Variants in RPRD2 observed in about 807,000 individuals in gnomAD.
RPRD2 encodes the protein regulation of nuclear pre-mRNA domain-containing protein 2.
In RPRD2, 12 loss-of-function variants were observed where a neutral mutation model predicts 104.4. The observed-to-expected ratio is 0.11, with a 90% CI of 0.07 to 0.19. RPRD2 has a LOEUF of 0.19. Among genes scored for constraint, RPRD2 ranks in the 10% least tolerant of loss-of-function variants. The pLI, the probability that RPRD2 is intolerant of heterozygous loss-of-function variation, is 1.00. For missense variants in RPRD2, 1,543 were observed against 1,790.1 expected, an observed-to-expected ratio of 0.86 and a Z score of 2.49; for synonymous variants, 714 against 684.9, an observed-to-expected ratio of 1.04 and a Z score of -0.66.
chr1:150,431,485 T>TTTGTTTGTTTGTTTTTTTG (rs1665579851), intron 2 of RPRD2, among the ~76,000 whole-genome samples: 1 of 142,034 alleles, frequency 7.0e-6, no homozygotes, highest in African/African-American at 2.6e-5. Flanking sequence ...TTTTTTTTTT[T>TTTGTTTGTTTGTTTTTTTG]TTTTTTTTTT....
intron 2 of RPRD2, among the ~76,000 whole-genome samples, chr1:150,420,420 C>T (rs1484937656): frequency 3.3e-5 from 5 of 152,146 alleles, no homozygotes; most frequent in Admixed American, 6.6e-5. Flanking sequence ...CTTCAGAAAC[C>T]TGTAGTAAAC....
chr1:150,408,750 T>G (rs782567238), intron 1 of RPRD2, among the ~76,000 whole-genome samples: 2 of 152,236 alleles, frequency 1.3e-5, no homozygotes, highest in Non-Finnish European at 2.9e-5. Flanking sequence ...TACCTAACTA[T>G]TCCCCTGTTA....
chr1:150,450,089 C>A lies in RPRD2; in HGVS notation c.870+3688C>A, dbSNP rs587639566. 7.9e-5 allele frequency among the ~76,000 whole-genome samples: 12 copies of A among 152,230 alleles called. No homozygotes were observed. The South Asian group carries it at 1.9e-3, about 24-fold the overall frequency. On this transcript the variant is annotated intron_variant, in intron 7 of 10. Transcript: ENST00000369068. ...TTCTTAGTTGGTTTACTTTTCAGTT[C>A]TAGAATTGCCACTGAATTTTTTTAA...
intron 2 of RPRD2, among the ~76,000 whole-genome samples, chr1:150,431,385 G>A (rs587710070): frequency 1.3e-5 from 2 of 149,828 alleles, no homozygotes; most frequent in South Asian, 4.3e-4. Context: ...TCAAAAGGAA[G>A]AACAGTCTAC....
At chr1:150,394,971 A>G (rs879979146) in intron 1 of RPRD2, among the ~76,000 whole-genome samples, 4 of 152,240 alleles carry the variant, frequency 2.6e-5, no homozygotes, top group African/African-American at 9.6e-5. Context: ...CTTTATGACC[A>G]TAGTATAGGG....
chr1:150,417,732 A>T lies in RPRD2; in HGVS notation c.335+7A>T. ...AAGCAGCTGCTCTAGTGAAGTAAGT[A>T]AATCTTTATTGCTCTATGGGATCTA... On this transcript the variant is annotated splice_region_variant and intron_variant, in intron 2 of 10. Coordinates refer to ENST00000369068, the MANE Select transcript of RPRD2 (RefSeq NM_015203.5). The T allele has an allele frequency of 6.3e-7, 1 of 1,588,778 alleles. No homozygotes were observed. Among genetic ancestry groups the T allele is most frequent in the Admixed American group, 1.7e-5 (1 of 57,804 alleles).
At position 150,471,356 on chromosome 1, in the gene RPRD2, C is replaced by A; in HGVS notation, c.2408C>A (p.Pro803His). Residue 803 changes from proline to histidine, a missense_variant, in exon 11 of 11, where the codon CCT becomes CAT. Around this residue, in one of 4 missense-constraint regions of RPRD2, gnomAD observed 880 missense variants for 885.6 expected, o/e 0.99. Transcript: ENST00000369068. This position sits in a 1 kb window ranked among gnomAD's most constrained non-coding sequence, Gnocchi z 5.3. ...GGCAGTGAATCTCCCTATAAGCAGC[C>A]TTCTGATGGAATGGAGAGACCATCT... The part of the protein sequence containing the change: ...GLGSESPYKQ[P>H]SDGMERPSSL... 6.2e-7 allele frequency: 1 copy of A among 1,613,776 alleles called. No homozygotes were observed. Among genetic ancestry groups the A allele is most frequent in the Non-Finnish European group, 8.5e-7 (1 of 1,179,854 alleles).
At chr1:150,429,080 T>C (rs1017282526) in intron 2 of RPRD2, among the ~76,000 whole-genome samples, 2 of 151,044 alleles carry the variant, frequency 1.3e-5, no homozygotes, top group African/African-American at 2.4e-5. Flanking sequence ...AAAATTGACA[T>C]TGTGGTCAGT....
intron 1 of RPRD2, among the ~76,000 whole-genome samples, chr1:150,392,331 C>A (rs1662145959): frequency 6.6e-6 from 1 of 152,114 alleles, no homozygotes; most frequent in Non-Finnish European, 1.5e-5. Context: ...ATGGTGAAAC[C>A]CCATCTCTAC....
Position 150,411,267 on chromosome 1 carries a change from C to T in RPRD2, c.206-6329C>T, listed in dbSNP as rs185893873. Among the ~76,000 whole-genome samples the T allele has an allele frequency of 6.3e-4, 95 of 150,472 alleles. No homozygotes were observed. The Middle Eastern group carries it at 0.028, about 44-fold the overall frequency. On this transcript the variant is annotated intron_variant, in intron 1 of 10. Coordinates refer to ENST00000369068, the MANE Select transcript of RPRD2 (RefSeq NM_015203.5). ...CCTGAGGTCAGGAGTTTTAGACCAG[C>T]CTGACCAACATGATGAAACCCCGTT... is the stretch of plus-strand genomic sequence containing the variant.
At position 150,377,364 on chromosome 1, in the gene RPRD2, G is replaced by C. The variant is rs587615800; in HGVS notation, c.205+12445G>C. ...GCCTGTAATCCCAGTACTTTGGGAG[G>C]CCGAGGCGGGCGGATCACGAGGTCA... On this transcript the variant is annotated intron_variant, in intron 1 of 10. Coordinates refer to ENST00000369068, the MANE Select transcript of RPRD2 (RefSeq NM_015203.5). Among the ~76,000 whole-genome samples the C allele has an allele frequency of 3.3e-5, 5 of 152,230 alleles. No homozygotes were observed. The East Asian group carries it at 9.7e-4, about 29-fold the overall frequency.
At position 150,474,642 on chromosome 1, in the gene RPRD2, GTTTATATC is replaced by G. The variant is rs1668798083; in HGVS notation, c.*1318_*1325del. 6.6e-6 allele frequency: 1 copy of G among 152,006 alleles called. No homozygotes were observed. The highest frequency in any genetic ancestry group is 2.4e-5 in the African/African-American group (1 of 41,362). 9.4% of individuals were successfully genotyped at this position (152,006 alleles called of 1,614,324 possible). A position where few individuals can be genotyped will look rare whatever the true frequency, so the allele number is the denominator to read the frequency against. ...AATAGACAATCACTGTACTTTGAGT[GTTTATATC>G]TTTATATCTAGGGACACTGAAAAGT... On this transcript the variant is annotated 3_prime_UTR_variant, in exon 11 of 11. Transcript: ENST00000369068.
intron 1 of RPRD2, among the ~76,000 whole-genome samples, chr1:150,383,306 G>GGTTTTTTTTTTTTT (rs1553881150): frequency 7.9e-6 from 1 of 126,740 alleles, no homozygotes. Flanking sequence ...CAAATAAGAG[G>GGTTTTTTTTTTTTT]TTTTTTTTTT....
intron 1 of RPRD2, among the ~76,000 whole-genome samples, chr1:150,409,771 A>G (rs1334823891): frequency 6.7e-6 from 1 of 149,398 alleles, no homozygotes; most frequent in Non-Finnish European, 1.5e-5. Context: ...CAGCCTCCTC[A>G]GCAGCTGGGA....
intron 7 of RPRD2, among the ~76,000 whole-genome samples, chr1:150,447,782 A>G (rs192843698): frequency 2.8e-4 from 43 of 152,354 alleles, no homozygotes; most frequent in Admixed American, 1.8e-3. Flanking sequence ...ATGGTACTGT[A>G]GGTCCCACCA....
chr1:150,364,591 C>T lies in RPRD2; in HGVS notation c.-124C>T. 1 of 612,732 alleles carries T rather than the reference C, an allele frequency of 1.6e-6. No individual in the cohort carries two copies. The highest frequency in any genetic ancestry group is 2.9e-6 in the Non-Finnish European group (1 of 350,464). 38.0% of individuals were successfully genotyped at this position (612,732 alleles called of 1,614,324 possible). A position where few individuals can be genotyped will look rare whatever the true frequency, so the allele number is the denominator to read the frequency against. On this transcript the variant is annotated 5_prime_UTR_variant, in exon 1 of 11. Transcript: ENST00000369068. ...GAAGAGCCCAGCGCGTGCACCATCC[C>T]CACCCCCTAGCTTCCCTCCCCACCT...
intron 2 of RPRD2, among the ~76,000 whole-genome samples, chr1:150,433,738 C>G (rs2102330926): frequency 1.0e-5 from 1 of 96,158 alleles, no homozygotes; most frequent in South Asian, 2.3e-4. Context: ...TTTTTTTAAC[C>G]AAGAAGCACT....
chr1:150,423,639 C>G (rs1244926217), intron 2 of RPRD2, among the ~76,000 whole-genome samples: 1 of 152,022 alleles, frequency 6.6e-6, no homozygotes, highest in Non-Finnish European at 1.5e-5. Context: ...TACCCATAAT[C>G]TGAAAATTTG....
At chr1:150,383,338 C>G (rs1318769745) in intron 1 of RPRD2, among the ~76,000 whole-genome samples, 1 of 125,160 alleles carries the variant, frequency 8.0e-6, no homozygotes, top group Non-Finnish European at 1.6e-5. Flanking sequence ...GTGACGGAGT[C>G]TTGCTCTGTT....
Sources: gnomAD v4.1 joint callset for allele counts (sites outside exome capture counted in the v4.1 genomes callset) on GRCh38, gnomAD v4.1.1 for gene constraint, gnomAD v4.1.1 regional missense constraint, Gnocchi (gnomAD v3.1) non-coding constraint, MANE v1.5 for transcripts, NCBI Gene and HGNC (gene_info 2026-07-23, HGNC 2026-07-21) for gene names.